The following EPG5 variants were observed in gnomAD, a reference collection of about 807,000 sequenced individuals.
The protein encoded by EPG5 is ectopic P granules protein 5 homolog.
EPG5 carries 159 observed loss-of-function variants against 302.7 expected under a neutral mutation model. That is an observed-to-expected ratio of 0.53 (90% confidence interval 0.46 to 0.60). The LOEUF (loss-of-function observed/expected upper bound fraction) is 0.60. Among genes scored for constraint, EPG5 ranks in the 20% least tolerant of loss-of-function variants. EPG5 has a pLI of 0.00. For synonymous variants in EPG5, 1,158 were observed against 1,136.8 expected (o/e 1.02, Z -0.37); for missense variants, 2,896 against 3,092.4 (o/e 0.94, Z 1.51).
chr18:45,927,405 T>C (rs73436053), intron 13 of EPG5, among the ~76,000 whole-genome samples: 7,432 of 152,184 alleles, frequency 0.049, 228 homozygotes, highest in South Asian at 0.14. Flanking sequence ...TGATGGCTCC[T>C]CAAAAGACTA....
intron 30 of EPG5, 64 bp from the exon 31 acceptor site, chr18:45,882,551 A>T (rs893982990): frequency 3.6e-6 from 5 of 1,384,302 alleles, no homozygotes; most frequent in Non-Finnish European, 4.9e-6. Context: ...AAGAGGAGAG[A>T]GGTCTGTGTA....
In EPG5 at chr18:45,879,008, AT is replaced by A. The variant is rs1235433767; in HGVS notation, c.5869+4del. On this transcript the variant is annotated splice_donor_region_variant and intron_variant, in intron 33 of 43. Transcript: ENST00000282041. ...TAGCTCCACATCGCATGAGAAGTAT[AT>A]TACCTGTTTTCCTGCTGGCAGTTGG... is the stretch of plus-strand genomic sequence containing the variant. The A allele has an allele frequency of 3.7e-6, 6 of 1,613,348 alleles. No individual in the cohort carries two copies. The highest frequency in any genetic ancestry group is 5.1e-6 in the Non-Finnish European group (6 of 1,179,314).
chr18:45,941,505 A>G (rs1308325327), intron 9 of EPG5, among the ~76,000 whole-genome samples: 3 of 152,236 alleles, frequency 2.0e-5, no homozygotes, highest in Admixed American at 6.5e-5. Flanking sequence ...TTGTTCTGCA[A>G]TTAGAAGGTA....
rs553916053 is a variant in EPG5, at chr18:45,933,599, G to A, written c.2257+1210C>T. On this transcript the variant is annotated intron_variant, in intron 11 of 43. Coordinates refer to ENST00000282041, the MANE Select transcript of EPG5 (RefSeq NM_020964.3). ...AGGCTGAGCTAGGAGAATCACTTGA[G>A]CCCGGGAGATGGAAGTTGCAGGGAG... 6.6e-5 allele frequency among the ~76,000 whole-genome samples: 10 copies of A among 151,762 alleles called. 1 individual carries two copies. The East Asian group carries it at 1.7e-3, about 27-fold the overall frequency.
At chr18:45,907,332 A>G (rs1289141097) in intron 24 of EPG5, 1 of 152,162 alleles carries the variant, frequency 6.6e-6, no homozygotes, top group Non-Finnish European at 1.5e-5. Context: ...TATCTTCCCC[A>G]CTTTTTCCCT....
chr18:45,826,157 C>A, the EPG5 span, among the ~76,000 whole-genome samples: 15 of 151,934 alleles, frequency 9.9e-5, no homozygotes, highest in African/African-American at 3.6e-4. Context: ...TTGATGGGCA[C>A]AGCCTGAGGA....
the EPG5 span, among the ~76,000 whole-genome samples, chr18:45,819,674 A>G: frequency 6.6e-6 from 1 of 152,204 alleles, no homozygotes; most frequent in Non-Finnish European, 1.5e-5. Context: ...AGGTGTGTTA[A>G]TTAGTTCACC....
chr18:45,919,705 G>C (rs529377391), intron 16 of EPG5, among the ~76,000 whole-genome samples: 1 of 151,994 alleles, frequency 6.6e-6, no homozygotes, highest in Admixed American at 6.5e-5. Context: ...GTAGAGACGG[G>C]GTTTCACCGT....
intron 2 of EPG5, 62 bp downstream of exon 2, chr18:45,954,332 C>G: frequency 2.7e-6 from 4 of 1,472,896 alleles, no homozygotes; most frequent in Non-Finnish European, 3.7e-6. Context: ...GACTCCAGAC[C>G]TGGACAACAT....
At chr18:45,839,953 T>C in the EPG5 span, among the ~76,000 whole-genome samples, 4 of 152,250 alleles carry the variant, frequency 2.6e-5, no homozygotes, top group South Asian at 2.1e-4. Flanking sequence ...GCCCGTTTCT[T>C]GGAACTCATC....
intron 31 of EPG5, among the ~76,000 whole-genome samples, chr18:45,880,817 A>G (rs952460940): frequency 6.6e-6 from 1 of 152,196 alleles, no homozygotes; most frequent in Non-Finnish European, 1.5e-5. Flanking sequence ...CAGAGCGAAC[A>G]TGAGAATCAA....
Position 45,879,454 on chromosome 18 carries a change from G to A in EPG5, c.5668-240C>T, listed in dbSNP as rs189401202. Among the ~76,000 whole-genome samples the A allele has an allele frequency of 1.7e-4, 26 of 152,256 alleles. No individual in the cohort carries two copies. The East Asian group carries it at 3.5e-3, about 20-fold the overall frequency. Reference sequence around the variant, plus strand: ...ACGATCTTGGCTCATCGCAACCTCCGCTTCCTGGGTTCAAGCGATTCTCCT... The same window carrying A: ...ACGATCTTGGCTCATCGCAACCTCCACTTCCTGGGTTCAAGCGATTCTCCT... On this transcript the variant is annotated intron_variant, in intron 32 of 43. Coordinates refer to ENST00000282041, the MANE Select transcript of EPG5 (RefSeq NM_020964.3).
chr18:45,936,690 C>A (rs1599609497), intron 10 of EPG5, among the ~76,000 whole-genome samples: 2 of 120,864 alleles, frequency 1.7e-5, no homozygotes, highest in African/African-American at 3.2e-5. Flanking sequence ...CACTGAACTC[C>A]ATCTTGGACA....
At chr18:45,949,055 T>C (rs946109811) in intron 5 of EPG5, among the ~76,000 whole-genome samples, 18 of 152,284 alleles carry the variant, frequency 1.2e-4, no homozygotes, top group African/African-American at 4.3e-4. Context: ...AACTCCTAAG[T>C]ATACAAGAGT....
At chr18:45,903,445 TG>T (rs1352775900) in intron 25 of EPG5, among the ~76,000 whole-genome samples, 4 of 152,336 alleles carry the variant, frequency 2.6e-5, no homozygotes, top group African/African-American at 9.6e-5. Flanking sequence ...GAAGGTATTC[TG>T]CATTTCTCTG....
chr18:45,947,786 T>C (rs556044437), intron 6 of EPG5, among the ~76,000 whole-genome samples: 6 of 151,702 alleles, frequency 4.0e-5, no homozygotes, highest in Admixed American at 2.6e-4. Context: ...TTTTTTTTTT[T>C]CTTTCAGTTG....
At chr18:45,947,216 C>T (rs915940506) in intron 6 of EPG5, among the ~76,000 whole-genome samples, 2 of 152,098 alleles carry the variant, frequency 1.3e-5, no homozygotes, top group African/African-American at 2.4e-5. Flanking sequence ...AGATCGAGAC[C>T]ATCCTGGCCG....
the EPG5 span, among the ~76,000 whole-genome samples, chr18:45,818,396 A>T: frequency 6.6e-6 from 1 of 152,098 alleles, no homozygotes; most frequent in Middle Eastern, 3.2e-3. Context: ...ACCTTGATTG[A>T]TTATGCCTAA....
chr18:45,834,931 G>A, the EPG5 span, among the ~76,000 whole-genome samples: 3 of 152,236 alleles, frequency 2.0e-5, no homozygotes, highest in South Asian at 4.1e-4. Context: ...GCATCTAGAA[G>A]TACTGACTGA....
Sources: allele counts gnomAD v4.1 joint callset (sites outside exome capture counted in the v4.1 genomes callset), GRCh38; gene constraint gnomAD v4.1.1; transcripts MANE v1.5; gene names NCBI Gene and HGNC (gene_info 2026-07-23, HGNC 2026-07-21).